The following ASIC2 variants were observed in gnomAD, a reference collection of about 807,000 sequenced individuals.
ASIC2 encodes the protein acid sensing ion channel subunit 2.
ASIC2 carries 25 observed loss-of-function variants against 57.3 expected under a neutral mutation model. The observed-to-expected ratio is 0.44, with a 90% CI of 0.32 to 0.61. ASIC2 has a LOEUF of 0.61. Among genes scored for constraint, ASIC2 ranks in the 20% least tolerant of loss-of-function variants. ASIC2 has a pLI of 0.06. For synonymous variants in ASIC2, 319 were observed against 307.5 expected, an observed-to-expected ratio of 1.04 and a Z score of -0.39; for missense variants, 641 against 738.1, an observed-to-expected ratio of 0.87 and a Z score of 1.52.
intron 1 of ASIC2, among the ~76,000 whole-genome samples, chr17:33,452,777 G>GTGTGTGTA (rs55643351): frequency 6.6e-6 from 1 of 151,186 alleles, no homozygotes. Flanking sequence ...GTGTGTGTGT[G>GTGTGTGTA]ATAGCCTTTA....
chr17:33,704,553 C>G (rs541587481), intron 1 of ASIC2, among the ~76,000 whole-genome samples: 1 of 152,198 alleles, frequency 6.6e-6, no homozygotes, highest in South Asian at 2.1e-4. Flanking sequence ...CAATAAATTA[C>G]TCTATGTCGC....
intron 1 of ASIC2, among the ~76,000 whole-genome samples, chr17:33,239,285 C>T (rs190489764): frequency 1.3e-5 from 2 of 150,660 alleles, no homozygotes; most frequent in African/African-American, 2.4e-5. Flanking sequence ...AGTGAGACTC[C>T]GTCTCAAAAA....
chr17:33,789,827 G>A (rs947740204), intron 1 of ASIC2, among the ~76,000 whole-genome samples: 1 of 152,164 alleles, frequency 6.6e-6, no homozygotes, highest in Non-Finnish European at 1.5e-5. Flanking sequence ...TTCTGGTGTA[G>A]GAGTGGCTTC....
intron 1 of ASIC2, among the ~76,000 whole-genome samples, chr17:33,523,365 T>G (rs968462359): frequency 6.6e-6 from 1 of 152,206 alleles, no homozygotes; most frequent in African/African-American, 2.4e-5. Context: ...TAAGCAATTC[T>G]CGTGCCTCAG....
chr17:34,012,869 T>A (rs2142023065), intron 1 of ASIC2, among the ~76,000 whole-genome samples: 2 of 152,084 alleles, frequency 1.3e-5, no homozygotes, highest in Non-Finnish European at 2.9e-5. Context: ...CCTGGGAAGG[T>A]CAAGCGCTAG....
chr17:33,495,318 C>T (rs1197436000), intron 1 of ASIC2, among the ~76,000 whole-genome samples: 2 of 152,160 alleles, frequency 1.3e-5, no homozygotes, highest in Non-Finnish European at 2.9e-5. Flanking sequence ...TTGTTTGGCC[C>T]CTGATCATAA....
intron 1 of ASIC2, among the ~76,000 whole-genome samples, chr17:33,600,750 T>G (rs1905100700): frequency 6.6e-6 from 1 of 152,086 alleles, no homozygotes; most frequent in African/African-American, 2.4e-5. Flanking sequence ...TGAGGGCTCA[T>G]AAGAAGAAAA....
chr17:33,082,849 T>C (rs1213745309), intron 3 of ASIC2, among the ~76,000 whole-genome samples: 1 of 152,184 alleles, frequency 6.6e-6, no homozygotes, highest in Non-Finnish European at 1.5e-5. Flanking sequence ...GTTTCACATA[T>C]ATTTACTCAC....
chr17:34,048,750 C>T (rs1908430109), intron 1 of ASIC2, among the ~76,000 whole-genome samples: 1 of 152,192 alleles, frequency 6.6e-6, no homozygotes, highest in African/African-American at 2.4e-5. Flanking sequence ...TATGTGTGAA[C>T]ACAGTCTTCC....
intron 1 of ASIC2, among the ~76,000 whole-genome samples, chr17:33,589,685 T>C (rs1237233088): frequency 6.6e-6 from 1 of 152,216 alleles, no homozygotes; most frequent in East Asian, 1.9e-4. Context: ...CAAGTTGTAT[T>C]ACGAATCAGT....
At position 33,138,692 on chromosome 17, in the gene ASIC2, G is replaced by T. The variant is rs116230797; in HGVS notation, c.709-26625C>A. Among the ~76,000 whole-genome samples, 721 of 152,272 alleles carry T rather than the reference G, an allele frequency of 4.7e-3. 8 individuals are homozygous for T. The highest frequency in any genetic ancestry group is 0.014 in the African/African-American group (570 of 41,542). On this transcript the variant is annotated intron_variant, in intron 1 of 9. Coordinates refer to ENST00000225823, the MANE Select transcript of ASIC2 (RefSeq NM_183377.2). Reference sequence around the variant, plus strand: ...CTTACTTCTTCATATTCCTCGGAGGGCTCCCTGCCACCTCAGGTAGTAATA... The same window carrying T: ...CTTACTTCTTCATATTCCTCGGAGGTCTCCCTGCCACCTCAGGTAGTAATA...
chr17:33,225,575 C>T (rs1012424292), intron 1 of ASIC2, among the ~76,000 whole-genome samples: 3 of 152,206 alleles, frequency 2.0e-5, no homozygotes, highest in Non-Finnish European at 4.4e-5. Context: ...GCTATCTAGT[C>T]ATTTCTGCTC....
chr17:33,817,139 G>A (rs1912607214), intron 1 of ASIC2, among the ~76,000 whole-genome samples: 1 of 152,304 alleles, frequency 6.6e-6, no homozygotes, highest in Non-Finnish European at 1.5e-5. Flanking sequence ...ATTGGACTCT[G>A]GGCATCCGGA....
rs1343705801 is a variant in ASIC2, at chr17:34,155,747, GC to G, written c.555+230del. ...CTGGGGAAGTGATCCCCCACCGCAAGCCCCCCACTCACCCTCCATATTTGAT... is the reference window on the plus strand; with the variant it reads ...CTGGGGAAGTGATCCCCCACCGCAAGCCCCCACTCACCCTCCATATTTGAT... On this transcript the variant is annotated intron_variant, in intron 1 of 9. Transcript: ENST00000359872. 9.5e-6 allele frequency: 5 copies of G among 524,734 alleles called. No individual in the cohort carries two copies. In the East Asian group the frequency reaches 9.9e-5, roughly 10 times the overall value. The allele number at this position is 524,734 out of a possible 1,614,324, so 32.5% of individuals were successfully genotyped here.
intron 1 of ASIC2, among the ~76,000 whole-genome samples, chr17:33,557,496 GAAT>G (rs1915942576): frequency 6.6e-6 from 1 of 152,166 alleles, no homozygotes; most frequent in Non-Finnish European, 1.5e-5. Flanking sequence ...TTATAAAAGA[GAAT>G]AATAGGATAA....
At chr17:33,022,793 T>G (rs2091842264) in intron 6 of ASIC2, among the ~76,000 whole-genome samples, 1 of 152,112 alleles carries the variant, frequency 6.6e-6, no homozygotes, top group Admixed American at 6.5e-5. Context: ...GGCAGACAGG[T>G]AACAAACAAG....
At chr17:33,606,596 T>C (rs1217721358) in intron 1 of ASIC2, among the ~76,000 whole-genome samples, 2 of 152,198 alleles carry the variant, frequency 1.3e-5, no homozygotes, top group Non-Finnish European at 2.9e-5. Context: ...TGGTCTGTGC[T>C]TCTTCTCCAA....
intron 1 of ASIC2, among the ~76,000 whole-genome samples, chr17:33,966,133 G>A (rs1199376701): frequency 6.6e-6 from 1 of 152,236 alleles, no homozygotes; most frequent in Non-Finnish European, 1.5e-5. Context: ...TGTAGAACAA[G>A]GTGTTCCCTG....
chr17:34,030,896 A>C (rs1023145062), intron 1 of ASIC2, among the ~76,000 whole-genome samples: 5 of 152,374 alleles, frequency 3.3e-5, no homozygotes, highest in Middle Eastern at 6.8e-3. Context: ...ACCACAGCTC[A>C]AGGAGGCCTG....
Sources: gnomAD v4.1 joint callset for allele counts (sites outside exome capture counted in the v4.1 genomes callset) on GRCh38, gnomAD v4.1.1 for gene constraint, MANE v1.5 for transcripts, NCBI Gene and HGNC (gene_info 2026-07-23, HGNC 2026-07-21) for gene names.